THADA: variants seen among roughly 807,000 people sequenced by gnomAD.
THADA encodes tRNA (32-2'-O)-methyltransferase regulator THADA.
In THADA, 213 loss-of-function variants were observed where a neutral mutation model predicts 219.8. The ratio of observed to expected loss-of-function variants is 0.97; its 90% CI spans 0.87 to 1.09. THADA has a LOEUF of 1.09. THADA is among the 50% of genes least tolerant of loss of function. THADA has a pLI of 0.00. For missense variants in THADA, 2,956 were observed against 2,311.3 expected (o/e 1.28, Z -5.72); for synonymous variants, 1,018 against 828.9 (o/e 1.23, Z -3.92).
chr2:43,334,014 G>C (rs1666097413), intron 30 of THADA, among the ~76,000 whole-genome samples: 1 of 152,184 alleles, frequency 6.6e-6, no homozygotes, highest in Non-Finnish European at 1.5e-5. Flanking sequence ...AAGCAAAATA[G>C]AATCCTACAC....
At chr2:43,309,849 A>G (rs1465108867) in intron 31 of THADA, among the ~76,000 whole-genome samples, 2 of 152,216 alleles carry the variant, frequency 1.3e-5, no homozygotes, top group Non-Finnish European at 2.9e-5. Context: ...ATTAGAGCTA[A>G]TAAGTTTGTT....
chr2:43,283,382 C>A (rs1252447658), intron 35 of THADA, among the ~76,000 whole-genome samples: 1 of 152,106 alleles, frequency 6.6e-6, no homozygotes, highest in Non-Finnish European at 1.5e-5. Context: ...AACTTTGGAA[C>A]CGGGTAATGG....
chr2:43,402,322 G>A lies in THADA; in HGVS notation c.4059-4183C>T, dbSNP rs573634897. ...GAAGAGTGGCACAGAAAAGTGAAGT[G>A]GGAGGCAGAGCTGAGACAATTTTCT... On this transcript the variant is annotated intron_variant, in intron 28 of 37. Transcript: ENST00000405975. Among the ~76,000 whole-genome samples, 10 of 152,292 alleles carry A rather than the reference G, an allele frequency of 6.6e-5. No homozygotes were observed. The South Asian group carries it at 2.1e-3, about 32-fold the overall frequency.
Position 43,574,625 on chromosome 2 carries a change from T to G in THADA, c.1440A>C (p.Gln480His). 1.2e-6 allele frequency: 2 copies of G among 1,613,994 alleles called. No homozygotes were observed. Among genetic ancestry groups the G allele is most frequent in the Non-Finnish European group, 1.7e-6 (2 of 1,179,894 alleles). ...ACTGGTCTCCCATCACCTCTAAGAT[T>G]TGAGATGGAATAGTTTTATCTATAG... The part of the protein sequence containing the change: ...ILAIDKTIPS[Q>H]ILEVMGDQSL... Residue 480 changes from glutamine (Q) to histidine (H), a missense_variant, in exon 11 of 38, where the codon CAA (glutamine) becomes CAC (histidine). By Grantham distance (24) the Gln-to-His change is conservative. Coordinates refer to ENST00000405975, the MANE Select transcript of THADA (RefSeq NM_022065.5).
chr2:43,579,822 A>G (rs1700221719), intron 8 of THADA, among the ~76,000 whole-genome samples: 1 of 152,174 alleles, frequency 6.6e-6, no homozygotes, highest in African/African-American at 2.4e-5. Flanking sequence ...TGAAGATGGC[A>G]CAGCAGAAAA....
intron 26 of THADA, among the ~76,000 whole-genome samples, chr2:43,433,162 T>A (rs141790990): frequency 1.3e-5 from 2 of 152,204 alleles, no homozygotes; most frequent in African/African-American, 4.8e-5. Flanking sequence ...GTCAAGGTTC[T>A]TTTTTTCCAC....
chr2:43,429,077 A>C (rs1678883009), intron 27 of THADA, among the ~76,000 whole-genome samples: 1 of 151,988 alleles, frequency 6.6e-6, no homozygotes, highest in Non-Finnish European at 1.5e-5. Flanking sequence ...CATACTAAAA[A>C]TTCCACTACC....
At chr2:43,274,749 C>G (rs891184637) in intron 36 of THADA, among the ~76,000 whole-genome samples, 6 of 152,070 alleles carry the variant, frequency 3.9e-5, no homozygotes. Context: ...GGGACCAGAA[C>G]TACTTGGAGA....
chr2:43,443,530 G>C (rs754349869), intron 26 of THADA, among the ~76,000 whole-genome samples: 1 of 152,164 alleles, frequency 6.6e-6, no homozygotes, highest in Non-Finnish European at 1.5e-5. Flanking sequence ...AAATTCTCCA[G>C]TGACAGGCAT....
At chr2:43,518,533 C>G (rs1692017027) in intron 22 of THADA, among the ~76,000 whole-genome samples, 1 of 152,142 alleles carries the variant, frequency 6.6e-6, no homozygotes, top group Non-Finnish European at 1.5e-5. Flanking sequence ...GACCCAAGAA[C>G]AAAACCAAGT....
At chr2:43,580,867 G>A (rs953837881) in intron 8 of THADA, among the ~76,000 whole-genome samples, 1 of 151,054 alleles carries the variant, frequency 6.6e-6, no homozygotes, top group Non-Finnish European at 1.5e-5. Flanking sequence ...GCGACAAAGA[G>A]AGACTCCATC....
intron 26 of THADA, among the ~76,000 whole-genome samples, chr2:43,456,019 C>T (rs541502652): frequency 1.3e-5 from 2 of 152,264 alleles, no homozygotes; most frequent in Non-Finnish European, 2.9e-5. Context: ...CAAAAGACTA[C>T]GCTACAGTGC....
At chr2:43,458,405 G>C (rs1450018715) in intron 26 of THADA, among the ~76,000 whole-genome samples, 1 of 152,016 alleles carries the variant, frequency 6.6e-6, no homozygotes, top group Non-Finnish European at 1.5e-5. Flanking sequence ...ATGTAACTTG[G>C]GGAAGTCACC....
intron 14 of THADA, among the ~76,000 whole-genome samples, chr2:43,567,272 G>A (rs765333405): frequency 1.1e-4 from 17 of 152,116 alleles, no homozygotes; most frequent in Non-Finnish European, 2.4e-4. Flanking sequence ...AAGAAATAGG[G>A]CCATTACTGA....
intron 25 of THADA, among the ~76,000 whole-genome samples, chr2:43,494,609 C>T (rs994736894): frequency 3.9e-5 from 6 of 152,116 alleles, no homozygotes; most frequent in Admixed American, 3.9e-4. Flanking sequence ...TATAACAGAA[C>T]ATACCTGGAT....
intron 32 of THADA, among the ~76,000 whole-genome samples, chr2:43,292,495 G>A (rs1674849713): frequency 1.3e-5 from 2 of 152,048 alleles, no homozygotes. Flanking sequence ...GTGGCCAACT[G>A]CCCTGAAATA....
At chr2:43,281,440 CTTT>C (rs35111198) in intron 35 of THADA, among the ~76,000 whole-genome samples, 5 of 106,818 alleles carry the variant, frequency 4.7e-5, no homozygotes, top group Admixed American at 9.3e-5. Flanking sequence ...TCATGTACTT[CTTT>C]TTTTTTTTTT....
chr2:43,502,528 T>C (rs2105074465), intron 24 of THADA, among the ~76,000 whole-genome samples: 1 of 142,822 alleles, frequency 7.0e-6, no homozygotes, highest in South Asian at 2.1e-4. Context: ...GAGGTTGCAG[T>C]GAGCTGAGAT....
At chr2:43,252,806 C>T (rs1669936324) in intron 36 of THADA, among the ~76,000 whole-genome samples, 1 of 152,194 alleles carries the variant, frequency 6.6e-6, no homozygotes, top group South Asian at 2.1e-4. Flanking sequence ...CTTTGAGCCA[C>T]CAATTCCAGC....
Sources: allele counts gnomAD v4.1 joint callset (sites outside exome capture counted in the v4.1 genomes callset), GRCh38; gene constraint gnomAD v4.1.1; transcripts MANE v1.5; gene names NCBI Gene and HGNC (gene_info 2026-07-23, HGNC 2026-07-21).